Variants in B3GLCT observed in about 807,000 individuals in gnomAD.
B3GLCT encodes the protein beta 3-glucosyltransferase.
In B3GLCT, 65 loss-of-function variants were observed where a neutral mutation model predicts 63.4. The observed-to-expected ratio is 1.03, with a 90% CI of 0.84 to 1.26. The LOEUF (loss-of-function observed/expected upper bound fraction) is 1.26, where lower values mean the gene tolerates loss of function less well. B3GLCT is among the 50% of genes most tolerant of loss of function. The pLI is 0.00. For missense variants in B3GLCT, 577 were observed against 604.8 expected, an observed-to-expected ratio of 0.95 and a Z score of 0.48; for synonymous variants, 233 against 219.2, an observed-to-expected ratio of 1.06 and a Z score of -0.55.
chr13:31,301,628 T>C (rs1020625665), intron 12 of B3GLCT, among the ~76,000 whole-genome samples: 1 of 152,260 alleles, frequency 6.6e-6, no homozygotes. Flanking sequence ...CAAAAGGCTT[T>C]GGGTCCCCAG....
At chr13:31,208,202 G>A (rs1331103863) in intron 1 of B3GLCT, among the ~76,000 whole-genome samples, 1 of 152,106 alleles carries the variant, frequency 6.6e-6, no homozygotes, top group African/African-American at 2.4e-5. Flanking sequence ...TCTTTCTGTT[G>A]TACAGTGCAG....
intron 2 of B3GLCT, among the ~76,000 whole-genome samples, chr13:31,217,195 T>G (rs1011369512): frequency 1.3e-5 from 2 of 152,214 alleles, no homozygotes; most frequent in African/African-American, 2.4e-5. Context: ...CCCTAATGAT[T>G]AGTGATGTTG....
chr13:31,236,066 G>A (rs552518887), intron 4 of B3GLCT, among the ~76,000 whole-genome samples: 21 of 152,242 alleles, frequency 1.4e-4, no homozygotes, highest in South Asian at 8.3e-4. Flanking sequence ...GGCATTTCAC[G>A]TATGCACCCC....
At chr13:31,272,098 A>G (rs1255439054) in intron 8 of B3GLCT, among the ~76,000 whole-genome samples, 1 of 151,768 alleles carries the variant, frequency 6.6e-6, no homozygotes, top group Non-Finnish European at 1.5e-5. Flanking sequence ...CCCACCCTCC[A>G]GTTTGAAAAT....
At chr13:31,289,174 T>A (rs1445346248) in intron 12 of B3GLCT, among the ~76,000 whole-genome samples, 1 of 151,960 alleles carries the variant, frequency 6.6e-6, no homozygotes, top group Non-Finnish European at 1.5e-5. Context: ...CGACAGATCT[T>A]TTGAAATAAT....
intron 10 of B3GLCT, among the ~76,000 whole-genome samples, chr13:31,277,343 G>A (rs1325057180): frequency 6.6e-6 from 1 of 151,648 alleles, no homozygotes; most frequent in East Asian, 1.9e-4. Flanking sequence ...TTTTTATTCA[G>A]GTTTTTGATG....
chr13:31,323,714 C>G, intron 13 of B3GLCT, 37 bp from the exon 14 acceptor site: 1 of 1,613,524 alleles, frequency 6.2e-7, no homozygotes, highest in Non-Finnish European at 8.5e-7. Context: ...GTCTGTGGAG[C>G]TTCTCTAACC....
intron 6 of B3GLCT, among the ~76,000 whole-genome samples, chr13:31,248,663 A>G (rs1474152392): frequency 6.6e-6 from 1 of 152,190 alleles, no homozygotes; most frequent in Non-Finnish European, 1.5e-5. Context: ...GAAGGGATGT[A>G]TCTTGAACTA....
At chr13:31,214,933 G>T in intron 1 of B3GLCT, 118 bp from the exon 2 acceptor site, 1 of 1,006,648 alleles carries the variant, frequency 9.9e-7, no homozygotes, top group South Asian at 1.5e-5. Flanking sequence ...GCTTAAAAAT[G>T]AGCAAAATAT....
At chr13:31,324,947 T>C (rs1353044453) in intron 14 of B3GLCT, among the ~76,000 whole-genome samples, 2 of 152,146 alleles carry the variant, frequency 1.3e-5, no homozygotes, top group East Asian at 3.9e-4. Context: ...ACTCAAGCGA[T>C]CCTCCCACCT....
chr13:31,269,260 A>G lies in B3GLCT; in HGVS notation c.643A>G (p.Ile215Val), dbSNP rs370245124. The change falls in exon 8 of 15, where the codon ATA (isoleucine) becomes GTA (valine). Residue 215 changes from isoleucine (I) to valine (V), a missense_variant. Ile to Val is a conservative substitution (Grantham distance 29). Transcript: ENST00000343307. ...KSESLKSDFTIDLKHEIALYI... is the reference protein window; with the variant it reads ...KSESLKSDFTVDLKHEIALYI... ...TGAATCCTTGAAATCCGACTTTACA[A>G]TAGATTTAAAACATGAGGTATGTCA... 2.7e-5 allele frequency: 43 copies of G among 1,605,928 alleles called. No individual in the cohort carries two copies. The highest frequency in any genetic ancestry group is 7.7e-5 in the South Asian group (7 of 90,878).
In B3GLCT at chr13:31,269,281, T is replaced by C; in HGVS notation, c.660+4T>C. 1 of 1,582,742 alleles carries C rather than the reference T, an allele frequency of 6.3e-7. No homozygotes were observed. Among genetic ancestry groups the C allele is most frequent in the Non-Finnish European group, 8.7e-7 (1 of 1,152,234 alleles). ...TACAATAGATTTAAAACATGAGGTA[T>C]GTCATGTTTTGTTTGATTAAAAATC... On this transcript the variant is annotated splice_donor_region_variant and intron_variant, in intron 8 of 14. Transcript: ENST00000343307.
intron 13 of B3GLCT, among the ~76,000 whole-genome samples, 194 bp from the exon 14 acceptor site, chr13:31,323,557 G>A (rs1283692589): frequency 6.6e-6 from 1 of 152,172 alleles, no homozygotes; most frequent in African/African-American, 2.4e-5. Flanking sequence ...TTGGGAACTT[G>A]GTACAAAAGT....
chr13:31,310,927 A>G (rs1182485022), intron 12 of B3GLCT, among the ~76,000 whole-genome samples: 1 of 152,206 alleles, frequency 6.6e-6, no homozygotes, highest in African/African-American at 2.4e-5. Flanking sequence ...CAGGTGTGGA[A>G]CCTGGGCCAA....
chr13:31,235,248 G>A (rs1402290671), intron 4 of B3GLCT, among the ~76,000 whole-genome samples: 6 of 152,150 alleles, frequency 3.9e-5, no homozygotes, highest in African/African-American at 9.7e-5. Flanking sequence ...GACTTTGGGT[G>A]TCATATCTGA....
chr13:31,221,638 C>T (rs996527719), intron 2 of B3GLCT, among the ~76,000 whole-genome samples: 8 of 152,228 alleles, frequency 5.3e-5, no homozygotes, highest in Non-Finnish European at 1.0e-4. Context: ...AAGGTAGTCC[C>T]TCCCCTGTGT....
intron 14 of B3GLCT, among the ~76,000 whole-genome samples, chr13:31,328,439 A>G (rs1379261031): frequency 6.6e-6 from 1 of 152,106 alleles, no homozygotes; most frequent in African/African-American, 2.4e-5. Context: ...CACGCCTGCA[A>G]CCTCAGCACT....
At chr13:31,211,806 T>G (rs529253314) in intron 1 of B3GLCT, among the ~76,000 whole-genome samples, 1 of 152,230 alleles carries the variant, frequency 6.6e-6, no homozygotes, top group Non-Finnish European at 1.5e-5. Context: ...TATTAGCTAC[T>G]TACTCACAAA....
intron 4 of B3GLCT, among the ~76,000 whole-genome samples, chr13:31,241,353 C>T (rs1487026927): frequency 6.6e-6 from 1 of 152,210 alleles, no homozygotes; most frequent in Non-Finnish European, 1.5e-5. Context: ...TTAGACCTCC[C>T]TCCTCTGGGT....
Sources: allele counts gnomAD v4.1 joint callset (sites outside exome capture counted in the v4.1 genomes callset), GRCh38; gene constraint gnomAD v4.1.1; transcripts MANE v1.5; gene names NCBI Gene and HGNC (gene_info 2026-07-23, HGNC 2026-07-21).